The following VRK2 variants were observed in gnomAD, a reference collection of about 807,000 sequenced individuals.
VRK2 encodes the protein serine/threonine-protein kinase VRK2.
A neutral mutation model predicts 57.6 loss-of-function variants in VRK2; 60 were observed. The observed-to-expected ratio is 1.04, with a 90% CI of 0.85 to 1.29. The LOEUF (loss-of-function observed/expected upper bound fraction) is 1.29, where lower values mean the gene tolerates loss of function less well. Among genes scored for constraint, VRK2 ranks in the 50% most tolerant of loss-of-function variants. The pLI is 0.00. For missense variants in VRK2, 705 were observed against 588.1 expected (o/e 1.20, Z -2.06); for synonymous variants, 231 against 199.2 (o/e 1.16, Z -1.35).
intron 1 of VRK2, among the ~76,000 whole-genome samples, chr2:57,933,289 T>A (rs1271196100): frequency 2.0e-5 from 3 of 150,080 alleles, no homozygotes; most frequent in Non-Finnish European, 2.9e-5. Flanking sequence ...TGTATTGCTA[T>A]TTCTTATTTC....
intron 5 of VRK2, among the ~76,000 whole-genome samples, chr2:58,087,116 G>A (rs1274677789): frequency 6.6e-6 from 1 of 152,094 alleles, no homozygotes; most frequent in East Asian, 1.9e-4. Context: ...AAGAAAAAAA[G>A]TGTGTCATTT....
At chr2:57,912,228 G>T (rs1003118134) in intron 1 of VRK2, among the ~76,000 whole-genome samples, 1 of 152,168 alleles carries the variant, frequency 6.6e-6, no homozygotes, top group African/African-American at 2.4e-5. Context: ...GAAAAATCCT[G>T]CAATTTTGGT....
chr2:57,933,009 T>A (rs1156952512), intron 1 of VRK2, among the ~76,000 whole-genome samples: 1 of 152,108 alleles, frequency 6.6e-6, no homozygotes, highest in African/African-American at 2.4e-5. Flanking sequence ...TGATTTCTAG[T>A]TTTGTATTTT....
intron 1 of VRK2, among the ~76,000 whole-genome samples, chr2:57,973,093 C>T (rs1461846574): frequency 6.6e-6 from 1 of 151,788 alleles, no homozygotes; most frequent in Non-Finnish European, 1.5e-5. Flanking sequence ...TTAGACATTG[C>T]CAAATTTTCT....
intron 8 of VRK2, among the ~76,000 whole-genome samples, chr2:58,129,272 T>TAATACA (rs1210520205): frequency 6.6e-6 from 1 of 152,140 alleles, no homozygotes; most frequent in Non-Finnish European, 1.5e-5. Context: ...TTACAATAAA[T>TAATACA]TGTGCAAATA....
At position 58,131,839 on chromosome 2, in the gene VRK2, C is replaced by A; in HGVS notation, c.708C>A (p.Leu236=). The change falls in exon 9 of 13, where the codon CTC becomes CTA. Residue 236 remains leucine (L), a synonymous_variant. Transcript: ENST00000340157. ...ALSRRSDVEI[L]GYCMLRWLCG... The stretch of plus-strand genomic sequence containing the variant: ...CCAGACGAAGTGACGTTGAGATCCT[C>A]GGCTACTGCATGCTGCGGTGGTTGT... 3.1e-6 allele frequency: 5 copies of A among 1,613,624 alleles called. No individual in the cohort carries two copies. Among genetic ancestry groups the A allele is most frequent in the Non-Finnish European group, 4.2e-6 (5 of 1,179,796 alleles).
intron 1 of VRK2, among the ~76,000 whole-genome samples, chr2:57,957,127 A>C (rs1671610791): frequency 6.6e-6 from 1 of 152,172 alleles, no homozygotes; most frequent in South Asian, 2.1e-4. Context: ...TGCAGGTTCC[A>C]GGCTCACTTT....
intron 7 of VRK2, among the ~76,000 whole-genome samples, chr2:58,117,989 G>C (rs1490323248): frequency 1.3e-5 from 2 of 152,130 alleles, no homozygotes; most frequent in African/African-American, 4.8e-5. Flanking sequence ...TTGGGGCACA[G>C]AGATAAGAGG....
At chr2:58,091,709 G>C (rs1023549144) in intron 7 of VRK2, among the ~76,000 whole-genome samples, 5 of 151,520 alleles carry the variant, frequency 3.3e-5, no homozygotes, top group Admixed American at 1.3e-4. Context: ...AAAAAATTAA[G>C]AAAAACACTA....
At chr2:58,008,186 T>C (rs1217712905) in intron 1 of VRK2, among the ~76,000 whole-genome samples, 1 of 152,084 alleles carries the variant, frequency 6.6e-6, no homozygotes, top group African/African-American at 2.4e-5. Context: ...AACTAAAAAC[T>C]CCTTTTGAAT....
chr2:57,949,275 C>A (rs1029422708), intron 1 of VRK2, among the ~76,000 whole-genome samples: 1 of 152,100 alleles, frequency 6.6e-6, no homozygotes, highest in African/African-American at 2.4e-5. Flanking sequence ...TTTTATTAAG[C>A]TTTGCAGATA....
intron 11 of VRK2, among the ~76,000 whole-genome samples, chr2:58,143,709 C>T (rs552931298): frequency 6.6e-6 from 1 of 151,894 alleles, no homozygotes; most frequent in African/African-American, 2.4e-5. Flanking sequence ...ATAAAACTGC[C>T]AGCAACCTTG....
At chr2:58,107,488 CTT>C (rs1674927595) in intron 7 of VRK2, among the ~76,000 whole-genome samples, 1 of 152,072 alleles carries the variant, frequency 6.6e-6, no homozygotes, top group East Asian at 1.9e-4. Flanking sequence ...TGAATAGTGA[CTT>C]TCTTCCTAGT....
intron 2 of VRK2, 97 bp from the exon 3 acceptor site, chr2:58,083,992 C>A: frequency 1.6e-6 from 2 of 1,289,412 alleles, no homozygotes; most frequent in Non-Finnish European, 2.1e-6. Context: ...AATAAACTTA[C>A]ATATGTAAAA....
At chr2:58,003,951 T>C (rs1306219145) in intron 1 of VRK2, among the ~76,000 whole-genome samples, 1 of 152,154 alleles carries the variant, frequency 6.6e-6, no homozygotes, top group East Asian at 1.9e-4. Flanking sequence ...TAATTTATAC[T>C]TGCACTATTT....
intron 7 of VRK2, among the ~76,000 whole-genome samples, chr2:58,093,454 A>T (rs1672662058): frequency 1.3e-5 from 2 of 151,912 alleles, no homozygotes; most frequent in African/African-American, 4.8e-5. Context: ...TGGCTGCATA[A>T]ATGTCTTCTT....
intron 6 of VRK2, among the ~76,000 whole-genome samples, chr2:58,089,321 G>A (rs1672051619): frequency 6.6e-6 from 1 of 152,120 alleles, no homozygotes; most frequent in African/African-American, 2.4e-5. Flanking sequence ...TTTATGCTAT[G>A]TTTTTCCTCT....
chr2:57,908,629 A>G (rs1378815903), intron 1 of VRK2, among the ~76,000 whole-genome samples: 1 of 152,166 alleles, frequency 6.6e-6, no homozygotes, highest in Non-Finnish European at 1.5e-5. Flanking sequence ...CCACACTACC[A>G]TATTTTACTA....
chr2:58,141,612 C>A (rs1020595835), intron 11 of VRK2, among the ~76,000 whole-genome samples: 5 of 151,880 alleles, frequency 3.3e-5, no homozygotes, highest in Admixed American at 2.6e-4. Flanking sequence ...TATTTTGCAG[C>A]AGATCAATAT....
Sources: gnomAD v4.1 joint callset for allele counts (sites outside exome capture counted in the v4.1 genomes callset) on GRCh38, gnomAD v4.1.1 for gene constraint, MANE v1.5 for transcripts, NCBI Gene and HGNC (gene_info 2026-07-23, HGNC 2026-07-21) for gene names.